GAREM1: variants seen among roughly 807,000 people sequenced by gnomAD.
The protein encoded by GAREM1 is GRB2 associated regulator of MAPK1 subtype 1.
A neutral mutation model predicts 71.3 loss-of-function variants in GAREM1; 26 were observed. The observed-to-expected ratio is 0.36, with a 90% CI of 0.27 to 0.51. The LOEUF (loss-of-function observed/expected upper bound fraction) is 0.51, where lower values mean the gene tolerates loss of function less well. Among genes scored for constraint, GAREM1 ranks in the 20% least tolerant of loss-of-function variants. GAREM1 has a pLI of 0.95. For synonymous variants in GAREM1, 440 were observed against 433.2 expected (o/e 1.02, Z -0.20); for missense variants, 1,026 against 1,103.1 (o/e 0.93, Z 0.99).
intron 2 of GAREM1, among the ~76,000 whole-genome samples, chr18:32,333,629 T>G (rs943185324): frequency 6.6e-5 from 10 of 152,200 alleles, no homozygotes; most frequent in African/African-American, 2.4e-4. Context: ...CCTCACCCAC[T>G]CTTTTTAATT....
At chr18:32,270,191 C>CA (rs755123326) in intron 5 of GAREM1, 26 bp downstream of exon 5, 1 of 1,610,672 alleles carries the variant, frequency 6.2e-7, no homozygotes, top group Non-Finnish European at 8.5e-7. Flanking sequence ...GATAAGCGTG[C>CA]AGTGGGACCT....
intron 2 of GAREM1, among the ~76,000 whole-genome samples, chr18:32,380,932 G>A (rs1020253993): frequency 9.2e-5 from 14 of 151,944 alleles, no homozygotes; most frequent in African/African-American, 3.4e-4. Context: ...CTCCCACACA[G>A]ATGAATTTGT....
chr18:32,361,981 A>G (rs1268529154), intron 2 of GAREM1, among the ~76,000 whole-genome samples: 1 of 152,190 alleles, frequency 6.6e-6, no homozygotes, highest in East Asian at 1.9e-4. Flanking sequence ...CTTTTCAAGC[A>G]ATGTTACAAA....
Position 32,267,880 on chromosome 18 carries a change from G to C in GAREM1, c.2622C>G (p.Pro874=). The C allele has an allele frequency of 1.2e-6, 2 of 1,608,948 alleles. No individual in the cohort carries two copies. The highest frequency in any genetic ancestry group is 1.7e-6 in the Non-Finnish European group (2 of 1,176,278). ...KIMQFINGWR[P]KI ...GCCGGGGGTTATTTGGCTATATTTT[G>C]GGCCTCCAGCCATTAATGAATTGCA... is the stretch of plus-strand genomic sequence containing the variant. The change falls in exon 6 of 6, where the codon CCC becomes CCG. Residue 874 remains proline (P), a synonymous_variant. Coordinates refer to ENST00000269209, the MANE Select transcript of GAREM1 (RefSeq NM_001242409.2).
At chr18:32,463,670 A>C (rs2048972729) in intron 1 of GAREM1, among the ~76,000 whole-genome samples, 2 of 151,200 alleles carry the variant, frequency 1.3e-5, no homozygotes, top group South Asian at 4.2e-4. Flanking sequence ...CCCGGGTTCA[A>C]GCGGTTCTTC....
chr18:32,268,322 G>T lies in GAREM1; in HGVS notation c.2180C>A (p.Pro727His). The T allele has an allele frequency of 2.5e-6, 4 of 1,614,072 alleles. No individual in the cohort carries two copies. The change falls in exon 6 of 6, where the codon CCC becomes CAC. Residue 727 changes from proline (P) to histidine (H), a missense_variant. Pro to His is a moderately conservative substitution (Grantham distance 77). Transcript: ENST00000269209. ...KQSTSCPALPPRAPKLVEEKV... is the reference protein window; with the variant it reads ...KQSTSCPALPHRAPKLVEEKV... ...CTCTTCCACTAGTTTTGGAGCCCTG[G>T]GGGGTAAGGCAGGGCATGACGTACT...
intron 1 of GAREM1, among the ~76,000 whole-genome samples, chr18:32,405,685 C>T (rs2048358115): frequency 6.6e-6 from 1 of 152,192 alleles, no homozygotes; most frequent in Admixed American, 6.5e-5. Flanking sequence ...ACTTCCTGTC[C>T]TGGCCTTACC....
At position 32,462,621 on chromosome 18, in the gene GAREM1, C is replaced by A. The variant is rs1599066236; in HGVS notation, c.121+7687G>T. Among the ~76,000 whole-genome samples, 3 of 152,282 alleles carry A rather than the reference C, an allele frequency of 2.0e-5. No homozygotes were observed. The South Asian group carries it at 6.2e-4, about 32-fold the overall frequency. ...CAGAAGCTTTTTAGTATGATGTAAT[C>A]CCATTCATCTATTTTTGCTTTTGTT... On this transcript the variant is annotated intron_variant, in intron 1 of 5. Transcript: ENST00000269209.
chr18:32,462,997 G>A (rs928847285), intron 1 of GAREM1, among the ~76,000 whole-genome samples: 1 of 151,978 alleles, frequency 6.6e-6, no homozygotes. Context: ...AAGAATAAGT[G>A]TCCTACTGCA....
chr18:32,465,897 C>T (rs1055557220), intron 1 of GAREM1, among the ~76,000 whole-genome samples: 1 of 152,192 alleles, frequency 6.6e-6, no homozygotes, highest in African/African-American at 2.4e-5. Context: ...AATGGTTCTT[C>T]ACTCACTTTA....
intron 3 of GAREM1, among the ~76,000 whole-genome samples, chr18:32,291,737 C>T (rs2047090207): frequency 6.6e-6 from 1 of 151,514 alleles, no homozygotes; most frequent in Admixed American, 6.6e-5. Flanking sequence ...TCAGAACATG[C>T]AGTGTTTGGT....
At chr18:32,316,621 T>G (rs909806785) in intron 2 of GAREM1, among the ~76,000 whole-genome samples, 15 of 151,998 alleles carry the variant, frequency 9.9e-5, no homozygotes, top group Non-Finnish European at 1.9e-4. Context: ...ATTGTTGTAT[T>G]TTTTTGTAGA....
At chr18:32,351,795 T>A (rs2144593192) in intron 2 of GAREM1, among the ~76,000 whole-genome samples, 1 of 152,232 alleles carries the variant, frequency 6.6e-6, no homozygotes, top group South Asian at 2.1e-4. Flanking sequence ...TACCAAGGTT[T>A]AGGCCTGACC....
chr18:32,328,094 ATATT>A (rs1266378661), intron 2 of GAREM1, among the ~76,000 whole-genome samples: 1 of 152,148 alleles, frequency 6.6e-6, no homozygotes, highest in African/African-American at 2.4e-5. Flanking sequence ...AATTTCAAAG[ATATT>A]TATTTATCAA....
chr18:32,292,927 T>A (rs1025160059), intron 3 of GAREM1, among the ~76,000 whole-genome samples: 1 of 152,132 alleles, frequency 6.6e-6, no homozygotes, highest in Middle Eastern at 3.2e-3. Context: ...AAACTCTGAG[T>A]CAAATTTATT....
intron 2 of GAREM1, among the ~76,000 whole-genome samples, chr18:32,365,672 T>C (rs1051987742): frequency 2.0e-5 from 3 of 152,180 alleles, no homozygotes; most frequent in African/African-American, 4.8e-5. Context: ...TTTTAGGATT[T>C]GCCCTGCTTC....
intron 1 of GAREM1, among the ~76,000 whole-genome samples, chr18:32,465,045 C>T (rs1482836126): frequency 2.6e-5 from 4 of 152,170 alleles, no homozygotes; most frequent in African/African-American, 9.7e-5. Flanking sequence ...CAAGACCTGA[C>T]CAAGATCACA....
In GAREM1 at chr18:32,460,037, T is replaced by C. The variant is rs147201039; in HGVS notation, c.121+10271A>G. On this transcript the variant is annotated intron_variant, in intron 1 of 5. Transcript: ENST00000269209. The stretch of plus-strand genomic sequence containing the variant: ...TTCTGGTACTTTTAGATATTTAAAC[T>C]CTAGTTCCCTGCTAGGAAGGCAAAT... Among the ~76,000 whole-genome samples the C allele has an allele frequency of 4.8e-4, 72 of 151,468 alleles. 1 individual carries two copies. In the East Asian group the frequency reaches 0.013, roughly 28 times the overall value.
intron 1 of GAREM1, among the ~76,000 whole-genome samples, chr18:32,453,744 C>T (rs919320279): frequency 2.0e-5 from 3 of 152,106 alleles, no homozygotes; most frequent in Admixed American, 6.5e-5. Context: ...CCAGGGATTT[C>T]GATGTGGACA....
Sources: gnomAD v4.1 joint callset for allele counts (sites outside exome capture counted in the v4.1 genomes callset) on GRCh38, gnomAD v4.1.1 for gene constraint, MANE v1.5 for transcripts, NCBI Gene and HGNC (gene_info 2026-07-23, HGNC 2026-07-21) for gene names.